SUPV3L1: variants seen among roughly 807,000 people sequenced by gnomAD.
The protein encoded by SUPV3L1 is ATP-dependent RNA helicase SUPV3L1, mitochondrial.
SUPV3L1 carries 35 observed loss-of-function variants against 70.0 expected under a neutral mutation model. The observed-to-expected ratio is 0.50, with a 90% CI of 0.38 to 0.66. The LOEUF is 0.66. Ranked by LOEUF, SUPV3L1 falls within the 30% of genes least tolerant of loss-of-function variation. SUPV3L1 has a pLI of 0.00. For synonymous variants in SUPV3L1, 364 were observed against 341.9 expected, an observed-to-expected ratio of 1.06 and a Z score of -0.71; for missense variants, 777 against 961.5, an observed-to-expected ratio of 0.81 and a Z score of 2.54.
intron 13 of SUPV3L1, among the ~76,000 whole-genome samples, chr10:69,206,589 G>A (rs1294079146): frequency 6.6e-6 from 1 of 152,200 alleles, no homozygotes; most frequent in Non-Finnish European, 1.5e-5. Context: ...GATGTCTCAC[G>A]TTACCAGTGA....
chr10:69,208,046 G>A, intron 14 of SUPV3L1, 105 bp downstream of exon 14: 2 of 1,372,794 alleles, frequency 1.5e-6, no homozygotes, highest in Non-Finnish European at 1.0e-6. Flanking sequence ...TTTGCAAGAT[G>A]CTCTATATTA....
Position 69,197,012 on chromosome 10 carries a change from C to T in SUPV3L1, c.952C>T (p.His318Tyr), listed in dbSNP as rs1842559334. ...GACAGGACTGTGTGCTGAAGAGGTT[C>T]ATTTGTGTGGAGAACCTGCTGCTAT... ...ALLGLCAEEV[H>Y]LCGEPAAIDL... Residue 318 changes from histidine (H) to tyrosine (Y), a missense_variant, in exon 8 of 15, where the codon CAT becomes TAT. Coordinates refer to ENST00000359655, the MANE Select transcript of SUPV3L1 (RefSeq NM_003171.5). 1 of 1,613,944 alleles carries T rather than the reference C, an allele frequency of 6.2e-7. No individual in the cohort carries two copies. The highest frequency in any genetic ancestry group is 8.5e-7 in the Non-Finnish European group (1 of 1,179,984).
At chr10:69,182,912 C>G (rs1842105325) in intron 1 of SUPV3L1, among the ~76,000 whole-genome samples, 1 of 152,204 alleles carries the variant, frequency 6.6e-6, no homozygotes, top group Admixed American at 6.5e-5. Context: ...CTGCCTTATT[C>G]TGTGCTGTCT....
intron 13 of SUPV3L1, among the ~76,000 whole-genome samples, chr10:69,207,234 G>T (rs1842853527): frequency 6.6e-6 from 1 of 152,104 alleles, no homozygotes; most frequent in South Asian, 2.1e-4. Flanking sequence ...GTGGAGCAGG[G>T]ATACCCTATA....
At chr10:69,186,209 G>A in intron 2 of SUPV3L1, 145 bp downstream of exon 2, 1 of 809,964 alleles carries the variant, frequency 1.2e-6, no homozygotes. Flanking sequence ...TGGGAGACTG[G>A]CGAGGCTCAC....
Position 69,185,977 on chromosome 10 carries a change from T to C in SUPV3L1, c.272-10T>C. 2 of 1,596,456 alleles carry C rather than the reference T, an allele frequency of 1.3e-6. No homozygotes were observed. The highest frequency in any genetic ancestry group is 1.7e-6 in the Non-Finnish European group (2 of 1,169,020). ...TAAGGAAACGTTAAATTTTGACATC[T>C]CTCTTCTAGATGAAGTAAAGAAGGT... On this transcript the variant is annotated splice_polypyrimidine_tract_variant and intron_variant, in intron 1 of 14. Transcript: ENST00000359655.
chr10:69,207,447 T>C (rs889963298), intron 13 of SUPV3L1, among the ~76,000 whole-genome samples: 3 of 152,176 alleles, frequency 2.0e-5, no homozygotes, highest in Non-Finnish European at 4.4e-5. Context: ...GAGGAGTAGA[T>C]GGAATCACAG....
intron 1 of SUPV3L1, among the ~76,000 whole-genome samples, chr10:69,184,254 T>C (rs1016271112): frequency 1.3e-5 from 2 of 152,036 alleles, no homozygotes; most frequent in Admixed American, 1.3e-4. Flanking sequence ...GTTGGCCAGG[T>C]GCAGTGGCTC....
intron 8 of SUPV3L1, 45 bp downstream of exon 8, chr10:69,197,128 T>A: frequency 6.4e-7 from 1 of 1,551,764 alleles, no homozygotes; most frequent in South Asian, 1.1e-5. Flanking sequence ...TATCAAATAG[T>A]CCAGAGTACC....
chr10:69,194,802 G>T (rs1276261081), intron 6 of SUPV3L1, among the ~76,000 whole-genome samples: 1 of 151,660 alleles, frequency 6.6e-6, no homozygotes, highest in African/African-American at 2.4e-5. Flanking sequence ...GGAGTTCAAG[G>T]CCATCCTGAA....
At chr10:69,184,307 T>C (rs1305049592) in intron 1 of SUPV3L1, among the ~76,000 whole-genome samples, 2 of 152,102 alleles carry the variant, frequency 1.3e-5, no homozygotes, top group Non-Finnish European at 2.9e-5. Context: ...GGCTGGCAGA[T>C]CACCTGAGGT....
chr10:69,180,516 C>T lies in SUPV3L1; in HGVS notation c.225C>T (p.Ser75=). 5 of 1,614,234 alleles carry T rather than the reference C, an allele frequency of 3.1e-6. No homozygotes were observed. The highest frequency in any genetic ancestry group is 4.2e-6 in the Non-Finnish European group (5 of 1,180,044). Residue 75 remains serine, a synonymous_variant, in exon 1 of 15, where the codon AGC becomes AGT. Coordinates refer to ENST00000359655, the MANE Select transcript of SUPV3L1 (RefSeq NM_003171.5). ...VPLTVKPQGP[S]ADGDVGAELT... ...TGACTGTGAAACCTCAGGGCCCCAG[C>T]GCCGACGGCGACGTCGGGGCCGAGC...
intron 1 of SUPV3L1, among the ~76,000 whole-genome samples, chr10:69,183,810 C>A (rs959622027): frequency 4.0e-5 from 6 of 151,636 alleles, no homozygotes; most frequent in African/African-American, 1.2e-4. Context: ...CATTTTAGAA[C>A]ATTTTTATCA....
Position 69,186,192 on chromosome 10 carries a change from G to A in SUPV3L1, c.349+128G>A, listed in dbSNP as rs1404570408. The stretch of plus-strand genomic sequence containing the variant: ...AGACACGTCCCTGCTCTTTGCTTCT[G>A]GCTGAGTGGGAGACTGGCGAGGCTC... On this transcript the variant is annotated intron_variant, in intron 2 of 14. Transcript: ENST00000359655. The A allele has an allele frequency of 5.6e-6, 5 of 885,084 alleles. No individual in the cohort carries two copies. In the Admixed American group the frequency reaches 1.2e-4, roughly 22 times the overall value. The allele number at this position is 885,084 out of a possible 1,614,324, so 54.8% of individuals were successfully genotyped here. A position where few individuals can be genotyped will look rare whatever the true frequency, so the allele number is the denominator to read the frequency against.
chr10:69,201,227 G>A (rs959294914), intron 11 of SUPV3L1, among the ~76,000 whole-genome samples: 1 of 152,042 alleles, frequency 6.6e-6, no homozygotes, highest in Non-Finnish European at 1.5e-5. Flanking sequence ...CTCATGTCTT[G>A]GACTCTTCTT....
At chr10:69,185,895 T>G in intron 1 of SUPV3L1, 92 bp from the exon 2 acceptor site, 1 of 900,672 alleles carries the variant, frequency 1.1e-6, no homozygotes, top group Non-Finnish European at 1.8e-6. Context: ...ATTAGACTGC[T>G]GCCTTTAGTG....
At chr10:69,185,786 C>T (rs1842207518) in intron 1 of SUPV3L1, among the ~76,000 whole-genome samples, 1 of 152,136 alleles carries the variant, frequency 6.6e-6, no homozygotes, top group African/African-American at 2.4e-5. Context: ...AGGCGTGAGC[C>T]ACCGTGCCCG....
intron 3 of SUPV3L1, 103 bp from the exon 4 acceptor site, chr10:69,187,539 G>T: frequency 1.4e-6 from 1 of 720,278 alleles, no homozygotes; most frequent in Non-Finnish European, 2.3e-6. Flanking sequence ...TTTTACCCTG[G>T]CAGTGCCCCC....
chr10:69,205,351 G>A (rs544961580), intron 13 of SUPV3L1, among the ~76,000 whole-genome samples: 10 of 151,916 alleles, frequency 6.6e-5, no homozygotes, highest in Admixed American at 5.2e-4. Context: ...TAAGGTGTAG[G>A]GAGTCTCTGG....
Sources: allele counts gnomAD v4.1 joint callset (sites outside exome capture counted in the v4.1 genomes callset), GRCh38; gene constraint gnomAD v4.1.1; transcripts MANE v1.5; gene names NCBI Gene and HGNC (gene_info 2026-07-23, HGNC 2026-07-21).